The following CDC5L variants were observed in gnomAD, a reference collection of about 807,000 sequenced individuals.
The protein encoded by CDC5L is cell division cycle 5 like, also known as cell division cycle 5-like protein.
In CDC5L, 18 loss-of-function variants were observed where a neutral mutation model predicts 104.1. That is an observed-to-expected ratio of 0.17 (90% CI 0.12 to 0.26). The LOEUF is 0.26. Among genes scored for constraint, CDC5L ranks in the 10% least tolerant of loss-of-function variants. The probability of loss-of-function intolerance (pLI) is 1.00; values close to 1 mark genes in which losing one functional copy is unlikely to be tolerated. For synonymous variants in CDC5L, 331 were observed against 322.7 expected (o/e 1.03, Z -0.28); for missense variants, 673 against 956.9 (o/e 0.70, Z 3.91).
intron 1 of CDC5L, among the ~76,000 whole-genome samples, chr6:44,389,734 G>A (rs11571907): frequency 0.014 from 2,139 of 152,224 alleles, 22 homozygotes; most frequent in Middle Eastern, 0.034. Context: ...TGAGACAGGA[G>A]GCTTGGATTG....
chr6:44,412,301 TC>T (rs1041760922), intron 8 of CDC5L, among the ~76,000 whole-genome samples: 11 of 55,024 alleles, frequency 2.0e-4, no homozygotes, highest in African/African-American at 7.6e-4. Context: ...GAATAACCTG[TC>T]CCCCACTTTT....
chr6:44,389,945 C>G (rs962605358), intron 1 of CDC5L, among the ~76,000 whole-genome samples: 1 of 152,090 alleles, frequency 6.6e-6, no homozygotes, highest in Admixed American at 6.6e-5. Flanking sequence ...AGAAGGACAG[C>G]CACACGTTGA....
At position 44,426,874 on chromosome 6, in the gene CDC5L, A is replaced by T. The variant is rs1265376698; in HGVS notation, c.1893+150A>T. 3 of 769,954 alleles carry T rather than the reference A, an allele frequency of 3.9e-6. No individual in the cohort carries two copies. The East Asian group carries it at 7.6e-5, about 19-fold the overall frequency. The allele number at this position is 769,954 out of a possible 1,614,324, so 47.7% of individuals were successfully genotyped here. A position where few individuals can be genotyped will look rare whatever the true frequency, so the allele number is the denominator to read the frequency against. Reference sequence around the variant, plus strand: ...GAGATGCATGTTTAGATTAAGTGTTATGAAAAGGACATGCTTTAAATACCT... The same window carrying T: ...GAGATGCATGTTTAGATTAAGTGTTTTGAAAAGGACATGCTTTAAATACCT... On this transcript the variant is annotated intron_variant, in intron 13 of 15. Transcript: ENST00000371477.
intron 8 of CDC5L, among the ~76,000 whole-genome samples, chr6:44,417,592 T>C (rs974695731): frequency 1.3e-5 from 2 of 152,066 alleles, no homozygotes; most frequent in Non-Finnish European, 2.9e-5. Context: ...CTTTGGAAAA[T>C]AAACTTTGCC....
At chr6:44,408,903 A>T (rs542474201) in intron 8 of CDC5L, among the ~76,000 whole-genome samples, 321 of 152,184 alleles carry the variant, frequency 2.1e-3, no homozygotes, top group Non-Finnish European at 3.5e-3. Flanking sequence ...TCAGTAAAGC[A>T]TAGTTTTGTA....
At chr6:44,393,204 G>C (rs145436029) in intron 3 of CDC5L, among the ~76,000 whole-genome samples, 4 of 108,532 alleles carry the variant, frequency 3.7e-5, no homozygotes, top group Admixed American at 3.5e-4. Context: ...TTGTATGGCT[G>C]TACCGCATTT....
Position 44,422,349 on chromosome 6 carries a change from A to T in CDC5L, c.1242-298A>T, listed in dbSNP as rs141906044. ...ACCTCCCTGCCCACTGCATGTTCTT[A>T]GTCGCCCTAATGTGCCAAGAAAAGG... On this transcript the variant is annotated intron_variant, in intron 9 of 15. Transcript: ENST00000371477. 2.7e-3 allele frequency among the ~76,000 whole-genome samples: 415 copies of T among 152,308 alleles called. 1 individual carries two copies. Among genetic ancestry groups the T allele is most frequent in the African/African-American group, 9.7e-3 (404 of 41,560 alleles).
chr6:44,390,720 G>A (rs1790549807), intron 2 of CDC5L, among the ~76,000 whole-genome samples: 1 of 152,080 alleles, frequency 6.6e-6, no homozygotes, highest in Non-Finnish European at 1.5e-5. Context: ...GCCCCAGCTT[G>A]TAAATTAATT....
chr6:44,412,308 CTTT>C (rs36108951), intron 8 of CDC5L, among the ~76,000 whole-genome samples: 6 of 145,716 alleles, frequency 4.1e-5, no homozygotes, highest in Admixed American at 6.8e-5. Context: ...CTGTCCCCCA[CTTT>C]TTTTTTTTTT....
Position 44,446,611 on chromosome 6 carries a change from T to C in CDC5L, c.2309T>C (p.Leu770Pro). The C allele has an allele frequency of 6.5e-7, 1 of 1,542,208 alleles. No homozygotes were observed. The highest frequency in any genetic ancestry group is 8.8e-7 in the Non-Finnish European group (1 of 1,135,742). Residue 770 changes from leucine (L) to proline (P), a missense_variant, in exon 16 of 16, where the codon CTA becomes CCA. Physicochemically the swap from Leu to Pro is moderately conservative, Grantham distance 98. Transcript: ENST00000371477. ...ACTTAATTTTTTTTCTTTAAGTGTCTAAAAGAAGACGTTCAGCGACAACAA... is the reference window on the plus strand; with the variant it reads ...ACTTAATTTTTTTTCTTTAAGTGTCCAAAAGAAGACGTTCAGCGACAACAA... ...DSAIPRRLEC[L>P]KEDVQRQQER...
chr6:44,398,032 C>T (rs1790949559), intron 5 of CDC5L, among the ~76,000 whole-genome samples: 1 of 152,138 alleles, frequency 6.6e-6, no homozygotes, highest in Admixed American at 6.5e-5. Flanking sequence ...TCTTCTTGAC[C>T]TGATGACCAG....
chr6:44,424,783 TTAAAAA>T (rs1792345703), intron 11 of CDC5L, among the ~76,000 whole-genome samples, 200 bp downstream of exon 11: 1 of 152,230 alleles, frequency 6.6e-6, no homozygotes, highest in East Asian at 1.9e-4. Flanking sequence ...ATGAGCATTC[TTAAAAA>T]TATATATATG....
At chr6:44,421,786 T>C (rs1193259181) in intron 9 of CDC5L, among the ~76,000 whole-genome samples, 1 of 152,212 alleles carries the variant, frequency 6.6e-6, no homozygotes, top group Non-Finnish European at 1.5e-5. Flanking sequence ...GCATACGTTA[T>C]ATGCAAATAC....
chr6:44,420,464 T>G (rs182817523), intron 9 of CDC5L, among the ~76,000 whole-genome samples: 3 of 151,910 alleles, frequency 2.0e-5, no homozygotes, highest in Admixed American at 2.0e-4. Context: ...GTTCAAGCAA[T>G]TCTTCTGCCT....
At chr6:44,411,637 A>AGAGAGAGTGTGTGTGTGTGTGTGTGT in intron 8 of CDC5L, among the ~76,000 whole-genome samples, 3 of 123,646 alleles carry the variant, frequency 2.4e-5, no homozygotes, top group Admixed American at 8.2e-5. Flanking sequence ...AGAGAGAGAG[A>AGAGAGAGTGTGTGTGTGTGTGTGTGT]GTGTGTGTGT....
intron 7 of CDC5L, among the ~76,000 whole-genome samples, chr6:44,407,348 G>C (rs1267044878): frequency 1.4e-5 from 2 of 146,528 alleles, no homozygotes; most frequent in Non-Finnish European, 3.0e-5. Flanking sequence ...TTTTTTTTGA[G>C]ACGGAGTCTT....
chr6:44,414,632 G>A (rs1302625344), intron 8 of CDC5L, among the ~76,000 whole-genome samples: 2 of 151,910 alleles, frequency 1.3e-5, no homozygotes, highest in African/African-American at 4.8e-5. Flanking sequence ...CATTGCACCT[G>A]ACTGGGTTTT....
intron 8 of CDC5L, among the ~76,000 whole-genome samples, 160 bp downstream of exon 8, chr6:44,408,792 G>C (rs1314824032): frequency 6.6e-6 from 1 of 152,178 alleles, no homozygotes; most frequent in Non-Finnish European, 1.5e-5. Flanking sequence ...TAGTAGAGAA[G>C]CTAAATAGAT....
At chr6:44,415,881 G>A (rs1791885342) in intron 8 of CDC5L, among the ~76,000 whole-genome samples, 1 of 152,192 alleles carries the variant, frequency 6.6e-6, no homozygotes, top group Admixed American at 6.5e-5. Flanking sequence ...AAATGATTAT[G>A]ATTGGTTGAA....
Sources: allele counts gnomAD v4.1 joint callset (sites outside exome capture counted in the v4.1 genomes callset), GRCh38; gene constraint gnomAD v4.1.1; transcripts MANE v1.5; gene names NCBI Gene and HGNC (gene_info 2026-07-23, HGNC 2026-07-21).